ST6GALNAC3: variants seen among roughly 807,000 people sequenced by gnomAD.
The protein encoded by ST6GALNAC3 is ST6 N-acetylgalactosaminide alpha-2,6-sialyltransferase 3.
A neutral mutation model predicts 32.7 loss-of-function variants in ST6GALNAC3; 25 were observed. The ratio of observed to expected loss-of-function variants is 0.76; its 90% CI spans 0.56 to 1.07. The LOEUF is 1.07. Among genes scored for constraint, ST6GALNAC3 ranks in the 50% least tolerant of loss-of-function variants. The pLI, the probability that ST6GALNAC3 is intolerant of heterozygous loss-of-function variation, is 0.00. For synonymous variants in ST6GALNAC3, 129 were observed against 133.1 expected (o/e 0.97, Z 0.21); for missense variants, 355 against 382.4 (o/e 0.93, Z 0.60).
intron 1 of ST6GALNAC3, among the ~76,000 whole-genome samples, chr1:76,168,935 G>A (rs142261780): frequency 2.6e-5 from 4 of 152,206 alleles, no homozygotes; most frequent in African/African-American, 4.8e-5. Context: ...TTTACCTGGG[G>A]CACTTAGCCC....
At chr1:76,307,222 T>C (rs766933384) in intron 1 of ST6GALNAC3, among the ~76,000 whole-genome samples, 25 of 152,032 alleles carry the variant, frequency 1.6e-4, no homozygotes, top group Non-Finnish European at 3.4e-4. Flanking sequence ...CCCTAACAAA[T>C]TAGTGGGGTT....
At chr1:76,610,304 T>G (rs545102945) in intron 3 of ST6GALNAC3, among the ~76,000 whole-genome samples, 2 of 152,206 alleles carry the variant, frequency 1.3e-5, no homozygotes, top group Non-Finnish European at 2.9e-5. Context: ...ATGTCTTCAT[T>G]TTTCCTCTTT....
chr1:76,330,278 G>T (rs1226987756), intron 2 of ST6GALNAC3, among the ~76,000 whole-genome samples: 1 of 152,004 alleles, frequency 6.6e-6, no homozygotes, highest in Non-Finnish European at 1.5e-5. Flanking sequence ...TCAGCCTCCT[G>T]AGTAGCTAGG....
intron 1 of ST6GALNAC3, among the ~76,000 whole-genome samples, chr1:76,261,356 G>A (rs1340587577): frequency 6.6e-6 from 1 of 152,158 alleles, no homozygotes; most frequent in Non-Finnish European, 1.5e-5. Flanking sequence ...TGTCAGTTAA[G>A]TAAATTGTTT....
intron 1 of ST6GALNAC3, among the ~76,000 whole-genome samples, chr1:76,287,489 C>T (rs1659852465): frequency 6.7e-6 from 1 of 150,254 alleles, no homozygotes; most frequent in Non-Finnish European, 1.5e-5. Flanking sequence ...ACTGAAGCCT[C>T]TCCCCAACCG....
At chr1:76,119,809 GATATATGTAATAGATA>G (rs369761924) in intron 1 of ST6GALNAC3, among the ~76,000 whole-genome samples, 148,514 of 151,778 alleles carry the variant, frequency 0.98, 72,739 homozygotes, top group East Asian at 1. Flanking sequence ...GATGATAATA[GATATATGTAATAGATA>G]GATGTAATCC....
intron 1 of ST6GALNAC3, among the ~76,000 whole-genome samples, chr1:76,193,805 T>G (rs1453775595): frequency 1.3e-5 from 2 of 152,180 alleles, no homozygotes; most frequent in Non-Finnish European, 2.9e-5. Context: ...AAGGGTCCAG[T>G]GATTTGATTT....
chr1:76,538,644 T>G (rs866223506), intron 3 of ST6GALNAC3, among the ~76,000 whole-genome samples: 1 of 152,126 alleles, frequency 6.6e-6, no homozygotes, highest in African/African-American at 2.4e-5. Context: ...CCCAAAACTC[T>G]TTAAACTGAT....
intron 1 of ST6GALNAC3, among the ~76,000 whole-genome samples, chr1:76,201,571 T>G (rs1023149892): frequency 6.6e-6 from 1 of 152,142 alleles, no homozygotes; most frequent in Non-Finnish European, 1.5e-5. Context: ...GACAACTGTT[T>G]GCAGTCTTCT....
chr1:76,095,477 G>C (rs1291156434), intron 1 of ST6GALNAC3, among the ~76,000 whole-genome samples: 1 of 152,118 alleles, frequency 6.6e-6, no homozygotes, highest in Non-Finnish European at 1.5e-5. Flanking sequence ...ATGCAGATGG[G>C]GTGGTTGGGG....
chr1:76,486,991 G>T (rs967679982), intron 3 of ST6GALNAC3, among the ~76,000 whole-genome samples: 1 of 152,084 alleles, frequency 6.6e-6, no homozygotes, highest in Non-Finnish European at 1.5e-5. Flanking sequence ...GTGAAGCTTA[G>T]TTTGGCTGGA....
At chr1:76,490,119 C>G (rs1660397570) in intron 3 of ST6GALNAC3, among the ~76,000 whole-genome samples, 1 of 152,122 alleles carries the variant, frequency 6.6e-6, no homozygotes, top group African/African-American at 2.4e-5. Context: ...GGCATCAGTC[C>G]TCTCTATCTC....
chr1:76,076,802 A>G (rs1343102401), intron 1 of ST6GALNAC3, among the ~76,000 whole-genome samples: 11 of 152,150 alleles, frequency 7.2e-5, no homozygotes, highest in Non-Finnish European at 1.5e-4. Flanking sequence ...TTTAAACCCC[A>G]TTTTACAGAT....
chr1:76,186,084 G>C (rs574048268), intron 1 of ST6GALNAC3, among the ~76,000 whole-genome samples: 2 of 152,264 alleles, frequency 1.3e-5, no homozygotes, highest in East Asian at 1.9e-4. Flanking sequence ...AGGGACCACT[G>C]TTCTCTTATA....
At chr1:76,408,173 T>C (rs1653968123) in intron 2 of ST6GALNAC3, among the ~76,000 whole-genome samples, 1 of 152,094 alleles carries the variant, frequency 6.6e-6, no homozygotes, top group South Asian at 2.1e-4. Context: ...GTTCCATTTG[T>C]CTGGCCCCCA....
intron 3 of ST6GALNAC3, among the ~76,000 whole-genome samples, chr1:76,419,642 C>T (rs1654888298): frequency 6.6e-6 from 1 of 152,052 alleles, no homozygotes; most frequent in African/African-American, 2.4e-5. Flanking sequence ...GCAGCAATCT[C>T]TGTTTTTTCT....
chr1:76,295,912 T>C (rs949617280), intron 1 of ST6GALNAC3, among the ~76,000 whole-genome samples: 6 of 152,060 alleles, frequency 3.9e-5, no homozygotes, highest in Admixed American at 6.5e-5. Context: ...ATGAAATCCA[T>C]AGGGGAATTT....
intron 1 of ST6GALNAC3, among the ~76,000 whole-genome samples, chr1:76,100,748 T>G (rs1647204584): frequency 6.6e-6 from 1 of 152,136 alleles, no homozygotes; most frequent in South Asian, 2.1e-4. Flanking sequence ...TGATCAGTAT[T>G]GTTTTTTCTT....
chr1:76,225,800 C>A (rs969481676), intron 1 of ST6GALNAC3, among the ~76,000 whole-genome samples: 1 of 152,102 alleles, frequency 6.6e-6, no homozygotes, highest in East Asian at 1.9e-4. Context: ...ATGGGAACTA[C>A]AGGATTTAAG....
Sources: allele counts gnomAD v4.1 joint callset (sites outside exome capture counted in the v4.1 genomes callset), GRCh38; gene constraint gnomAD v4.1.1; transcripts MANE v1.5; gene names NCBI Gene and HGNC (gene_info 2026-07-23, HGNC 2026-07-21).